The following SYTL5 variants were observed in gnomAD, a reference collection of about 807,000 sequenced individuals.
SYTL5 encodes the protein synaptotagmin like 5, also known as synaptotagmin-like protein 5.
A neutral mutation model predicts 55.9 loss-of-function variants in SYTL5; 34 were observed. The observed-to-expected ratio is 0.61, with a 90% CI of 0.46 to 0.81. The LOEUF (loss-of-function observed/expected upper bound fraction) is 0.81, where lower values mean the gene tolerates loss of function less well. Ranked by LOEUF, SYTL5 falls within the 30% of genes least tolerant of loss-of-function variation. SYTL5 has a pLI of 0.00. For missense variants in SYTL5, 637 were observed against 546.7 expected (o/e 1.17, Z -1.65); for synonymous variants, 221 against 188.7 (o/e 1.17, Z -1.40).
chrX:38,004,347 G>A (rs558552863), upstream of SYTL5, among the ~76,000 whole-genome samples: 208 of 111,399 alleles, frequency 1.9e-3, no homozygotes, highest in Middle Eastern at 9.2e-3. Context: ...TAGTACAATC[G>A]CATGGAGAAC....
chrX:38,102,456 G>A lies in SYTL5; in HGVS notation c.1155+22G>A, dbSNP rs747430608. The A allele has an allele frequency of 4.6e-6, 5 of 1,079,560 alleles. No homozygotes were observed. In the Admixed American group the frequency reaches 9.0e-5, roughly 19 times the overall value. 89.0% of individuals were successfully genotyped at this position (1,079,560 alleles called of 1,213,427 possible). ...AACTGTAAGCAGTTCACTAGGACAT[G>A]TGGAAAGTTTCTTTTCCCTCTTTTT... On this transcript the variant is annotated intron_variant, in intron 10 of 16. Transcript: ENST00000297875.
chrX:37,903,352 A>G, the SYTL5 span, among the ~76,000 whole-genome samples: 13 of 106,890 alleles, frequency 1.2e-4, no homozygotes, highest in South Asian at 5.6e-3. Context: ...CATATACACC[A>G]TGGAATACTA....
At position 38,074,573 on chromosome X, in the gene SYTL5, C is replaced by G. The variant is rs184997165; in HGVS notation, c.554+875C>G. ...GCCTAACTTTATGGTCCTTTTCAGA[C>G]AGCATTGCTTCATTCTCTCAGTAGA... On this transcript the variant is annotated intron_variant, in intron 5 of 16. Coordinates refer to ENST00000297875, the MANE Select transcript of SYTL5 (RefSeq NM_138780.3). 5.4e-5 allele frequency among the ~76,000 whole-genome samples: 6 copies of G among 111,638 alleles called. No homozygotes were observed. In the East Asian group the frequency reaches 1.7e-3, roughly 31 times the overall value.
At chrX:38,093,630 A>G (rs1317219303) in intron 7 of SYTL5, among the ~76,000 whole-genome samples, 2 of 111,688 alleles carry the variant, frequency 1.8e-5, no homozygotes, top group African/African-American at 6.5e-5. Context: ...TGCAAGTCCC[A>G]GACTGAATTC....
chrX:37,989,870 C>A, the SYTL5 span, among the ~76,000 whole-genome samples: 5 of 109,287 alleles, frequency 4.6e-5, no homozygotes, highest in Non-Finnish European at 7.6e-5. Flanking sequence ...TATTGAACAT[C>A]TTATTATTAT....
intron 1 of SYTL5, among the ~76,000 whole-genome samples, chrX:38,029,598 A>G (rs1243107142): frequency 9.0e-6 from 1 of 111,676 alleles, no homozygotes; most frequent in Non-Finnish European, 1.9e-5. Context: ...CTAATGCTCT[A>G]AAGTAGGTAA....
At chrX:37,930,049 C>T in the SYTL5 span, among the ~76,000 whole-genome samples, 2 of 111,044 alleles carry the variant, frequency 1.8e-5, no homozygotes, top group African/African-American at 6.5e-5. Context: ...TAGAGAGTCT[C>T]TTGTTTTCAT....
chrX:38,110,182 CAA>C (rs1937322374), intron 12 of SYTL5, 137 bp from the exon 13 acceptor site: 2 of 391,497 alleles, frequency 5.1e-6, no homozygotes, highest in South Asian at 2.1e-4. Flanking sequence ...CAAAGAAAAA[CAA>C]AGAGTTTTCT....
intron 6 of SYTL5, among the ~76,000 whole-genome samples, chrX:38,078,633 T>C (rs756250238): frequency 8.9e-6 from 1 of 112,456 alleles, no homozygotes; most frequent in Non-Finnish European, 1.9e-5. Context: ...AAGTTATATG[T>C]CTTACAGTTA....
intron 6 of SYTL5, among the ~76,000 whole-genome samples, chrX:38,080,458 T>C (rs989591040): frequency 9.0e-6 from 1 of 111,164 alleles, no homozygotes; most frequent in African/African-American, 3.3e-5. Flanking sequence ...ACCAGTTTCA[T>C]CCAGTTATTC....
intron 5 of SYTL5, among the ~76,000 whole-genome samples, chrX:38,075,550 G>A (rs1375459959): frequency 9.0e-6 from 1 of 111,689 alleles, no homozygotes; most frequent in Non-Finnish European, 1.9e-5. Context: ...CGGAGGAAGA[G>A]TGACTCCAGG....
intron 7 of SYTL5, among the ~76,000 whole-genome samples, chrX:38,093,343 T>G (rs1452447860): frequency 8.9e-6 from 1 of 112,175 alleles, no homozygotes; most frequent in Non-Finnish European, 1.9e-5. Flanking sequence ...CAAAAGGCAC[T>G]TTTTGATTGT....
intron 6 of SYTL5, among the ~76,000 whole-genome samples, chrX:38,079,950 G>A (rs761224463): frequency 1.8e-5 from 2 of 112,237 alleles, no homozygotes; most frequent in Non-Finnish European, 1.9e-5. Context: ...TTTAGTATAA[G>A]TATGTTTCAT....
At chrX:37,951,563 A>G in the SYTL5 span, among the ~76,000 whole-genome samples, 3 of 111,285 alleles carry the variant, frequency 2.7e-5, no homozygotes, top group East Asian at 8.4e-4. Context: ...ATACTGTGGT[A>G]AGTACATATA....
intron 3 of SYTL5, among the ~76,000 whole-genome samples, chrX:38,059,404 A>G (rs2147331202): frequency 9.0e-6 from 1 of 111,429 alleles, no homozygotes; most frequent in South Asian, 3.7e-4. Flanking sequence ...CTCTATTGAG[A>G]ATGTACATTT....
At chrX:37,996,208 C>T in the SYTL5 span, among the ~76,000 whole-genome samples, 9 of 111,760 alleles carry the variant, frequency 8.1e-5, no homozygotes, top group Non-Finnish European at 1.3e-4. Context: ...TCAGAGGAAT[C>T]GTGGGGGGCC....
chrX:38,123,604 C>T (rs764979859), intron 15 of SYTL5, among the ~76,000 whole-genome samples: 1 of 111,998 alleles, frequency 8.9e-6, no homozygotes, highest in Admixed American at 9.5e-5. Flanking sequence ...GTGTCATTAG[C>T]CCTACCATCC....
upstream of SYTL5, among the ~76,000 whole-genome samples, chrX:38,004,407 G>C (rs1348092521): frequency 9.0e-6 from 1 of 111,620 alleles, no homozygotes; most frequent in Non-Finnish European, 1.9e-5. Flanking sequence ...ATATGATCCA[G>C]CAATCCCACT....
At chrX:37,994,460 T>G in the SYTL5 span, 2 of 150,476 alleles carry the variant, frequency 1.3e-5, no homozygotes, top group Non-Finnish European at 2.3e-5. Context: ...AAAGTCAGCA[T>G]GCCCGGCACC....
Sources: allele counts gnomAD v4.1 joint callset (sites outside exome capture counted in the v4.1 genomes callset), GRCh38; gene constraint gnomAD v4.1.1; transcripts MANE v1.5; gene names NCBI Gene and HGNC (gene_info 2026-07-23, HGNC 2026-07-21).